The following TEX14 variants were observed in gnomAD, a reference collection of about 807,000 sequenced individuals.
TEX14 encodes inactive serine/threonine-protein kinase TEX14.
TEX14 carries 168 observed loss-of-function variants against 178.6 expected under a neutral mutation model. The ratio of observed to expected loss-of-function variants is 0.94; its 90% CI spans 0.83 to 1.07. The LOEUF (loss-of-function observed/expected upper bound fraction) is 1.07. TEX14 is among the 50% of genes least tolerant of loss of function. The pLI is 0.00. For missense variants in TEX14, 1,730 were observed against 1,753.6 expected, an observed-to-expected ratio of 0.99 and a Z score of 0.24; for synonymous variants, 626 against 634.1, an observed-to-expected ratio of 0.99 and a Z score of 0.19.
chr17:58,663,415 T>G (rs1166163743), intron 1 of TEX14, among the ~76,000 whole-genome samples: 1 of 104,346 alleles, frequency 9.6e-6, no homozygotes, highest in African/African-American at 3.8e-5. Context: ...AGAGCAAAAC[T>G]CCGTCTCAAA....
Position 58,585,979 on chromosome 17 carries a change from C to T in TEX14, c.2892G>A (p.Glu964=). ...TGGGGGGCTGCAGCAGGGCGTCGGG[C>T]TCATTTTCAGCCTCGCTCTCTAAAG... ...SLTLESEAEN[E]PDALLQPPIR... The change falls in exon 18 of 32, where the codon GAG becomes GAA. Residue 964 remains glutamate, a synonymous_variant. Transcript: ENST00000349033. 2 of 1,614,054 alleles carry T rather than the reference C, an allele frequency of 1.2e-6. No individual in the cohort carries two copies. Among genetic ancestry groups the T allele is most frequent in the Non-Finnish European group, 1.7e-6 (2 of 1,180,024 alleles).
At chr17:58,649,078 C>CT (rs554128326) in intron 2 of TEX14, among the ~76,000 whole-genome samples, 206 of 133,216 alleles carry the variant, frequency 1.5e-3, no homozygotes, top group Middle Eastern at 4.6e-3. Flanking sequence ...CGCCCGGCCT[C>CT]TTTTTTTTTT....
At chr17:58,616,457 A>G in intron 6 of TEX14, 152 bp from the exon 7 acceptor site, 1 of 867,866 alleles carries the variant, frequency 1.2e-6, no homozygotes, top group Non-Finnish European at 1.7e-6. Context: ...TTTTTGAGAC[A>G]GGGTATCACT....
chr17:58,661,736 G>A (rs1208920335), intron 1 of TEX14: 5 of 565,144 alleles, frequency 8.8e-6, no homozygotes, highest in African/African-American at 1.9e-5. Flanking sequence ...CGTTGGGGGC[G>A]GCATAGGGGA....
In TEX14 at chr17:58,587,659, CA is replaced by C; in HGVS notation, c.2709del (p.Ser903ArgfsTer24). Reference protein sequence around the residue: ...PSCHWDSTRMSVEPVSSEIYN... With the variant: ...PSCHWDSTRMXVEPVSSEIYN... ...TAGATTTCAGAAGAAACAGGTTCCA[CA>C]CTCATCCTGAATTGCACGGGTTTTT... On this transcript the variant is annotated frameshift_variant, in exon 17 of 32. Coordinates refer to ENST00000349033, the MANE Select transcript of TEX14 (RefSeq NM_031272.5). LOFTEE classifies it high-confidence loss of function. 6.2e-7 allele frequency: 1 copy of C among 1,603,764 alleles called. No homozygotes were observed. The highest frequency in any genetic ancestry group is 2.2e-5 in the East Asian group (1 of 44,856).
At chr17:58,676,806 C>T (rs996828010) in intron 1 of TEX14, among the ~76,000 whole-genome samples, 3 of 151,638 alleles carry the variant, frequency 2.0e-5, no homozygotes, top group East Asian at 3.9e-4. Flanking sequence ...GGCAACATAG[C>T]GAGACCCTAT....
At chr17:58,666,458 CAAAAAAAAAAAAAAAA>C (rs141683264) in intron 1 of TEX14, 4 of 36,814 alleles carry the variant, frequency 1.1e-4, no homozygotes, top group East Asian at 1.2e-3. Flanking sequence ...CCTTCCACGG[CAAAAAAAAAAAAAAAA>C]AAAAAAAAAA....
intron 27 of TEX14, 110 bp from the exon 28 acceptor site, chr17:58,565,078 C>G (rs1011834097): frequency 1.7e-6 from 1 of 571,510 alleles, no homozygotes; most frequent in Non-Finnish European, 3.0e-6. Context: ...CTGAAGTGTG[C>G]AATGCATTAG....
chr17:58,645,652 C>T (rs1028329891), intron 2 of TEX14, among the ~76,000 whole-genome samples: 12 of 152,178 alleles, frequency 7.9e-5, no homozygotes, highest in Non-Finnish European at 1.5e-4. Context: ...GCCACCTGCC[C>T]GGCCTATGGC....
chr17:58,560,291 A>C (rs1266651915), intron 29 of TEX14, among the ~76,000 whole-genome samples: 1 of 152,200 alleles, frequency 6.6e-6, no homozygotes. Flanking sequence ...GAGAAAATAA[A>C]GCCAGCTAGA....
chr17:58,561,727 T>C (rs537390041), intron 28 of TEX14, 115 bp from the exon 29 acceptor site: 2 of 691,066 alleles, frequency 2.9e-6, no homozygotes, highest in East Asian at 2.6e-5. Flanking sequence ...TTTCACTATA[T>C]GTATGAAAAA....
At chr17:58,648,495 C>T (rs905437892) in intron 2 of TEX14, among the ~76,000 whole-genome samples, 3 of 152,172 alleles carry the variant, frequency 2.0e-5, no homozygotes, top group African/African-American at 4.8e-5. Flanking sequence ...TTACTGTTAG[C>T]CTCCTATGCT....
At chr17:58,586,192 C>T (rs1258467630) in intron 17 of TEX14, 110 bp from the exon 18 acceptor site, 5 of 1,245,872 alleles carry the variant, frequency 4.0e-6, no homozygotes, top group East Asian at 2.5e-5. Context: ...GTAACAATTG[C>T]CTTTTTACAG....
intron 10 of TEX14, 109 bp downstream of exon 10, chr17:58,611,052 G>A: frequency 1.3e-6 from 1 of 773,012 alleles, no homozygotes; most frequent in Non-Finnish European, 2.2e-6. Flanking sequence ...TGATGAACAG[G>A]TTCATCTCAC....
chr17:58,617,742 C>T (rs1200368045), intron 5 of TEX14, 123 bp from the exon 6 acceptor site: 1 of 640,774 alleles, frequency 1.6e-6, no homozygotes, highest in Non-Finnish European at 2.7e-6. Context: ...CTTTCTGTTA[C>T]AAAACTAGAG....
In TEX14 at chr17:58,601,968, G is replaced by C; in HGVS notation, c.1528-12C>G. On this transcript the variant is annotated splice_polypyrimidine_tract_variant and intron_variant, in intron 12 of 31. Transcript: ENST00000349033. Reference sequence around the variant, plus strand: ...GCTCCAGTAAAATCCTGTAACACAGGAAATATTGTCAAGGACATAGTCTCA... The same window carrying C: ...GCTCCAGTAAAATCCTGTAACACAGCAAATATTGTCAAGGACATAGTCTCA... 6 of 1,612,440 alleles carry C rather than the reference G, an allele frequency of 3.7e-6. No individual in the cohort carries two copies. The African/African-American group carries it at 6.7e-5, about 18-fold the overall frequency.
At chr17:58,653,785 C>A (rs1343841775) in intron 1 of TEX14, among the ~76,000 whole-genome samples, 1 of 152,176 alleles carries the variant, frequency 6.6e-6, no homozygotes, top group African/African-American at 2.4e-5. Context: ...TGGCTCAGTG[C>A]CCCCTTTGTG....
intron 3 of TEX14, among the ~76,000 whole-genome samples, chr17:58,624,438 T>C (rs2046087633): frequency 6.7e-6 from 1 of 149,286 alleles, no homozygotes; most frequent in South Asian, 2.1e-4. Context: ...CCTCCTAGGC[T>C]CAAGTGGTTC....
intron 13 of TEX14, among the ~76,000 whole-genome samples, chr17:58,601,117 G>A (rs1442873107): frequency 6.6e-6 from 1 of 151,976 alleles, no homozygotes; most frequent in East Asian, 1.9e-4. Flanking sequence ...CAGGTGTGGT[G>A]GCTCATGCCT....
Sources: allele counts gnomAD v4.1 joint callset (sites outside exome capture counted in the v4.1 genomes callset), GRCh38; gene constraint gnomAD v4.1.1; transcripts MANE v1.5; gene names NCBI Gene and HGNC (gene_info 2026-07-23, HGNC 2026-07-21).